The following SYNE2 variants were observed in gnomAD, a reference collection of about 807,000 sequenced individuals.
SYNE2 encodes spectrin repeat containing nuclear envelope protein 2.
A neutral mutation model predicts 856.3 loss-of-function variants in SYNE2; 431 were observed. The observed-to-expected ratio is 0.50, with a 90% confidence interval of 0.47 to 0.55. The LOEUF is 0.55. Among genes scored for constraint, SYNE2 ranks in the 20% least tolerant of loss-of-function variants. SYNE2 has a pLI of 0.00. For synonymous variants in SYNE2, 2,923 were observed against 2,872.3 expected (o/e 1.02, Z -0.56); for missense variants, 8,129 against 8,023.2 (o/e 1.01, Z -0.50).
intron 79 of SYNE2, among the ~76,000 whole-genome samples, chr14:64,139,592 T>TA (rs1160356016): frequency 6.6e-6 from 1 of 151,934 alleles, no homozygotes; most frequent in Non-Finnish European, 1.5e-5. Flanking sequence ...CTGTATTTTT[T>TA]AGTAGAGACA....
chr14:63,950,316 G>A (rs1437653870), intron 7 of SYNE2, among the ~76,000 whole-genome samples: 5 of 152,174 alleles, frequency 3.3e-5, no homozygotes, highest in Non-Finnish European at 7.3e-5. Flanking sequence ...CACTTTGGGA[G>A]GCTGAGGCGG....
intron 47 of SYNE2, among the ~76,000 whole-genome samples, chr14:64,050,122 A>G (rs545955754): frequency 2.0e-5 from 3 of 152,316 alleles, no homozygotes; most frequent in Non-Finnish European, 2.9e-5. Flanking sequence ...GAAGTCCAAG[A>G]TCAAGGCAGC....
Position 64,099,134 on chromosome 14 carries a change from C to T in SYNE2, c.12381+313C>T, listed in dbSNP as rs185845597. 365 of 370,296 alleles carry T rather than the reference C, an allele frequency of 9.9e-4. 2 individuals carry two copies. The highest frequency in any genetic ancestry group is 7.1e-3 in the African/African-American group (340 of 48,010). 22.9% of individuals were successfully genotyped at this position (370,296 alleles called of 1,614,324 possible). On this transcript the variant is annotated intron_variant, in intron 63 of 115. Transcript: ENST00000555002. The stretch of plus-strand genomic sequence containing the variant: ...TTTGAGAGCATGCTGTTTGGCACTC[C>T]TGGTCTCATTTTTAGAACTGTATTT...
At chr14:63,779,051 G>T (rs1043224519) in intron 1 of SYNE2, among the ~76,000 whole-genome samples, 1 of 152,048 alleles carries the variant, frequency 6.6e-6, no homozygotes, top group Non-Finnish European at 1.5e-5. Flanking sequence ...CAGACGCAGT[G>T]GCTCAATCCT....
chr14:63,810,297 A>T (rs980375048), intron 1 of SYNE2, among the ~76,000 whole-genome samples: 5 of 152,194 alleles, frequency 3.3e-5, no homozygotes, highest in Admixed American at 6.5e-5. Flanking sequence ...TGATACATTA[A>T]ATTGCATGGA....
intron 20 of SYNE2, 29 bp from the exon 21 acceptor site, chr14:63,990,913 G>A (rs367816916): frequency 2.5e-5 from 40 of 1,604,778 alleles, no homozygotes; most frequent in Admixed American, 3.3e-5. Context: ...TGGTCCCCGT[G>A]TTAATTTGAG....
chr14:63,841,823 T>C (rs1890072814), intron 1 of SYNE2, among the ~76,000 whole-genome samples: 1 of 117,866 alleles, frequency 8.5e-6, no homozygotes, highest in Admixed American at 1.0e-4. Flanking sequence ...TCTTTTTCTT[T>C]CTTTCTTTCT....
intron 19 of SYNE2, among the ~76,000 whole-genome samples, chr14:63,989,054 A>G (rs1179830157): frequency 1.3e-5 from 2 of 152,186 alleles, no homozygotes; most frequent in Non-Finnish European, 2.9e-5. Context: ...ATTTGACTAC[A>G]TGTAATATTG....
chr14:64,025,531 G>A lies in SYNE2; in HGVS notation c.6252+110G>A, dbSNP rs1156528133. ...CTTAATGGAAAATCAGATCACTGTGGAATGGTTGAAGAAATTCAGATCACT... is the reference window on the plus strand; with the variant it reads ...CTTAATGGAAAATCAGATCACTGTGAAATGGTTGAAGAAATTCAGATCACT... On this transcript the variant is annotated intron_variant, in intron 41 of 115. Coordinates refer to ENST00000555002, the MANE Select transcript of SYNE2 (RefSeq NM_182914.3). 5 of 1,098,500 alleles carry A rather than the reference G, an allele frequency of 4.6e-6. No homozygotes were observed. In the East Asian group the frequency reaches 1.3e-4, roughly 28 times the overall value. The allele number at this position is 1,098,500 out of a possible 1,614,324, so 68.0% of individuals were successfully genotyped here. A position where few individuals can be genotyped will look rare whatever the true frequency, so the allele number is the denominator to read the frequency against.
At chr14:64,060,166 G>A (rs2153585137) in intron 49 of SYNE2, among the ~76,000 whole-genome samples, 1 of 152,096 alleles carries the variant, frequency 6.6e-6, no homozygotes. Flanking sequence ...TGGTACCTAA[G>A]CTCAAGACAG....
Position 63,967,765 on chromosome 14 carries a change from C to T in SYNE2, c.1047C>T (p.Val349=). The T allele has an allele frequency of 6.2e-7, 1 of 1,613,940 alleles. No individual in the cohort carries two copies. The highest frequency in any genetic ancestry group is 8.5e-7 in the Non-Finnish European group (1 of 1,179,864). The stretch of plus-strand genomic sequence containing the variant: ...AAGAAAAAAAGTCCTTTTTGGATGT[C>T]CTGTCAATAAAACGGGATCTGGATG... ...FNEEKKSFLD[V]LSIKRDLDEL... The change falls in exon 11 of 116, where the codon GTC becomes GTT. Residue 349 remains valine, a synonymous_variant. Coordinates refer to ENST00000555002, the MANE Select transcript of SYNE2 (RefSeq NM_182914.3).
Position 64,188,664 on chromosome 14 carries a change from A to G in SYNE2, c.17827A>G (p.Thr5943Ala), listed in dbSNP as rs751418921. ...LVQMENKVLQTADISIEEMIE... is the reference protein window; with the variant it reads ...LVQMENKVLQAADISIEEMIE... ...GCAGATGGAAAACAAAGTTCTACAG[A>G]CAGCGGACATTAGTATTGAAGAAAT... Residue 5943 changes from threonine to alanine, a missense_variant, in exon 98 of 116, where the codon ACA becomes GCA. Thr to Ala is a moderately conservative substitution (Grantham distance 58). Coordinates refer to ENST00000555002, the MANE Select transcript of SYNE2 (RefSeq NM_182914.3). 46 of 1,614,116 alleles carry G rather than the reference A, an allele frequency of 2.8e-5. No homozygotes were observed. The highest frequency in any genetic ancestry group is 3.6e-5 in the Non-Finnish European group (42 of 1,180,054).
chr14:63,856,801 T>G (rs1257854151), intron 1 of SYNE2, among the ~76,000 whole-genome samples: 1 of 152,174 alleles, frequency 6.6e-6, no homozygotes, highest in East Asian at 1.9e-4. Context: ...AGACAAGGTC[T>G]CGTTCTATCA....
intron 57 of SYNE2, among the ~76,000 whole-genome samples, chr14:64,083,999 A>T (rs1001232121): frequency 6.6e-6 from 1 of 151,166 alleles, no homozygotes; most frequent in Non-Finnish European, 1.5e-5. Context: ...ATCTTGGCTC[A>T]CCGCAACCTC....
chr14:63,816,674 G>C (rs552929557), intron 1 of SYNE2, among the ~76,000 whole-genome samples: 4 of 152,140 alleles, frequency 2.6e-5, no homozygotes, highest in African/African-American at 9.6e-5. Context: ...AAGTGTGACA[G>C]AGAAAAGTCT....
chr14:64,121,338 T>A (rs2097896697), intron 68 of SYNE2, among the ~76,000 whole-genome samples: 1 of 151,846 alleles, frequency 6.6e-6, no homozygotes, highest in African/African-American at 2.4e-5. Context: ...CTGGACAACA[T>A]GGTGAAACCC....
At chr14:63,950,086 C>A in intron 7 of SYNE2, 80 bp downstream of exon 7, 1 of 1,441,802 alleles carries the variant, frequency 6.9e-7, no homozygotes, top group South Asian at 1.1e-5. Flanking sequence ...AAACACCTCC[C>A]TCACTTAACA....
intron 45 of SYNE2, among the ~76,000 whole-genome samples, chr14:64,041,033 T>A (rs1201932557): frequency 1.3e-5 from 2 of 152,090 alleles, no homozygotes; most frequent in Non-Finnish European, 2.9e-5. Context: ...ACATGGAAAG[T>A]CAGAAGGCAG....
chr14:63,793,601 A>T (rs1887813602), intron 1 of SYNE2, among the ~76,000 whole-genome samples: 1 of 152,142 alleles, frequency 6.6e-6, no homozygotes, highest in Non-Finnish European at 1.5e-5. Context: ...TGAGTTTTTT[A>T]GGGGCTTTCT....
Sources: allele counts gnomAD v4.1 joint callset (sites outside exome capture counted in the v4.1 genomes callset), GRCh38; gene constraint gnomAD v4.1.1; transcripts MANE v1.5; gene names NCBI Gene and HGNC (gene_info 2026-07-23, HGNC 2026-07-21).